Variants in CSMD1 observed in about 807,000 individuals in gnomAD.
CSMD1 encodes the protein CUB and Sushi multiple domains 1.
CSMD1 carries 213 observed loss-of-function variants against 417.5 expected under a neutral mutation model. That is an observed-to-expected ratio of 0.51 (90% CI 0.46 to 0.57). The LOEUF is 0.57. Ranked by LOEUF, CSMD1 falls within the 20% of genes least tolerant of loss-of-function variation. CSMD1 has a pLI of 0.00. For synonymous variants in CSMD1, 2,862 were observed against 1,736.8 expected (o/e 1.65, Z -16.11); for missense variants, 6,923 against 4,529.7 (o/e 1.53, Z -15.17).
At chr8:4,327,633 C>T (rs982869640) in intron 3 of CSMD1, among the ~76,000 whole-genome samples, 1 of 152,070 alleles carries the variant, frequency 6.6e-6, no homozygotes, top group African/African-American at 2.4e-5. Flanking sequence ...CCAAAAACAA[C>T]AACAACAAAA....
At chr8:4,883,689 G>C (rs763031510) in intron 1 of CSMD1, among the ~76,000 whole-genome samples, 7 of 151,952 alleles carry the variant, frequency 4.6e-5, no homozygotes, top group Non-Finnish European at 1.0e-4. Context: ...ATAACCAATT[G>C]TATGGCCATA....
chr8:3,555,931 G>T (rs1246633299), intron 10 of CSMD1, among the ~76,000 whole-genome samples: 1 of 152,104 alleles, frequency 6.6e-6, no homozygotes, highest in Non-Finnish European at 1.5e-5. Flanking sequence ...CTCCCAGAAA[G>T]CAAATATTTG....
intron 3 of CSMD1, among the ~76,000 whole-genome samples, chr8:4,300,990 A>G (rs746720514): frequency 7.9e-5 from 12 of 152,170 alleles, no homozygotes; most frequent in East Asian, 1.9e-4. Flanking sequence ...TGCACTATAA[A>G]CATAAGTGTG....
intron 10 of CSMD1, among the ~76,000 whole-genome samples, chr8:3,496,768 G>C (rs1796381599): frequency 6.6e-6 from 1 of 152,064 alleles, no homozygotes; most frequent in Non-Finnish European, 1.5e-5. Context: ...GGAGGTTGCA[G>C]TGACCTGAGA....
chr8:2,997,104 GT>G (rs2128952595), intron 54 of CSMD1, among the ~76,000 whole-genome samples: 1 of 152,320 alleles, frequency 6.6e-6, no homozygotes, highest in South Asian at 2.1e-4. Context: ...CTGCACTGTG[GT>G]TAGTTGAGTG....
At chr8:3,590,906 G>A (rs2469368) in intron 8 of CSMD1, among the ~76,000 whole-genome samples, 131,792 of 152,196 alleles carry the variant, frequency 0.87, 57,376 homozygotes, top group African/African-American at 0.9. Context: ...TTTCGATGTC[G>A]AATATATAAT....
chr8:3,338,991 C>A (rs373645363), intron 23 of CSMD1, among the ~76,000 whole-genome samples: 5 of 125,944 alleles, frequency 4.0e-5, no homozygotes, highest in Admixed American at 1.7e-4. Flanking sequence ...CCCCCTCCCC[C>A]CACCCCACAA....
intron 2 of CSMD1, among the ~76,000 whole-genome samples, chr8:4,438,789 G>A (rs960078552): frequency 6.6e-6 from 1 of 152,158 alleles, no homozygotes; most frequent in Non-Finnish European, 1.5e-5. Context: ...AGTGCTTGAA[G>A]GATCAAAAGA....
chr8:4,192,561 A>G (rs571072565), intron 3 of CSMD1, among the ~76,000 whole-genome samples: 30 of 152,270 alleles, frequency 2.0e-4, no homozygotes, highest in African/African-American at 7.2e-4. Flanking sequence ...CATCAGCACC[A>G]GCTAGTGGGT....
At chr8:4,187,962 T>C (rs1034470338) in intron 3 of CSMD1, among the ~76,000 whole-genome samples, 10 of 152,144 alleles carry the variant, frequency 6.6e-5, no homozygotes, top group Non-Finnish European at 1.3e-4. Context: ...GATACTACCA[T>C]GGGTATTTTT....
At chr8:4,794,321 T>C (rs1010875979) in intron 1 of CSMD1, among the ~76,000 whole-genome samples, 1 of 152,242 alleles carries the variant, frequency 6.6e-6, no homozygotes, top group Non-Finnish European at 1.5e-5. Flanking sequence ...AGAAGGTCTC[T>C]GCATTTCCTT....
At chr8:3,259,415 T>C (rs1339518619) in intron 26 of CSMD1, among the ~76,000 whole-genome samples, 1 of 130,336 alleles carries the variant, frequency 7.7e-6, no homozygotes, top group East Asian at 2.0e-4. Flanking sequence ...CCTGATGGCC[T>C]GAATGAATGA....
intron 25 of CSMD1, among the ~76,000 whole-genome samples, chr8:3,294,255 G>C (rs145827520): frequency 0.035 from 5,298 of 152,260 alleles, 329 homozygotes; most frequent in African/African-American, 0.12. Flanking sequence ...CTCCCAGTTA[G>C]GCTACTCAGG....
chr8:3,476,979 A>T (rs35466915), intron 11 of CSMD1, among the ~76,000 whole-genome samples: 1 of 150,712 alleles, frequency 6.6e-6, no homozygotes, highest in Non-Finnish European at 1.5e-5. Context: ...GAGCCTGTCA[A>T]CACAAAGGGA....
At chr8:3,888,761 CAAAT>C (rs1806740134) in intron 5 of CSMD1, among the ~76,000 whole-genome samples, 1 of 152,100 alleles carries the variant, frequency 6.6e-6, no homozygotes, top group South Asian at 2.1e-4. Flanking sequence ...ACCGACCTTC[CAAAT>C]GGTCCTTCCA....
chr8:4,291,099 C>A (rs2128867227), intron 3 of CSMD1, among the ~76,000 whole-genome samples: 1 of 152,210 alleles, frequency 6.6e-6, no homozygotes, highest in Non-Finnish European at 1.5e-5. Context: ...GTAATACAAA[C>A]ACAACTTCTA....
intron 2 of CSMD1, among the ~76,000 whole-genome samples, chr8:4,631,531 G>C (rs1802515851): frequency 6.6e-6 from 1 of 151,908 alleles, no homozygotes; most frequent in Non-Finnish European, 1.5e-5. Context: ...ATGTAATTGA[G>C]ACCCTTTCTT....
rs551098759 is a variant in CSMD1, at chr8:4,403,115, G to A, written c.415+16838C>T. 9.2e-5 allele frequency among the ~76,000 whole-genome samples: 14 copies of A among 152,140 alleles called. 1 individual carries two copies. The highest frequency in any genetic ancestry group is 8.3e-4 in the South Asian group (4 of 4,822). On this transcript the variant is annotated intron_variant, in intron 3 of 69. Coordinates refer to ENST00000635120, the MANE Select transcript of CSMD1 (RefSeq NM_033225.6). ...CAAAGTGCTGGGATTACAGGCGTGA[G>A]CCACTGCCCCCGGCCAAAATGTCCT...
chr8:3,625,332 A>G (rs892511115), intron 7 of CSMD1, among the ~76,000 whole-genome samples: 2 of 152,314 alleles, frequency 1.3e-5, no homozygotes, highest in Admixed American at 6.5e-5. Flanking sequence ...TGGATCTCCA[A>G]TTGGACGTGA....
Sources: allele counts gnomAD v4.1 joint callset (sites outside exome capture counted in the v4.1 genomes callset), GRCh38; gene constraint gnomAD v4.1.1; transcripts MANE v1.5; gene names NCBI Gene and HGNC (gene_info 2026-07-23, HGNC 2026-07-21).